Variants in SLC25A48 observed in about 807,000 individuals in gnomAD.
SLC25A48 encodes solute carrier family 25 member 48, also known as CTC-321K16.1.
Under a neutral mutation model 32.2 loss-of-function variants are expected in SLC25A48, and 29 were observed. The observed-to-expected ratio is 0.90, with a 90% CI of 0.67 to 1.23. The LOEUF is 1.23. Among genes scored for constraint, SLC25A48 ranks in the 50% most tolerant of loss-of-function variants. The pLI is 0.00. For synonymous variants in SLC25A48, 164 were observed against 172.3 expected (o/e 0.95, Z 0.38); for missense variants, 399 against 422.7 (o/e 0.94, Z 0.49).
chr5:135,784,962 A>G (rs1756798597), intron 3 of SLC25A48, among the ~76,000 whole-genome samples: 1 of 61,694 alleles, frequency 1.6e-5, no homozygotes. Context: ...GGGAAAGAGG[A>G]TATTACTCCA....
intron 3 of SLC25A48, among the ~76,000 whole-genome samples, chr5:135,757,655 T>G (rs1452965428): frequency 6.7e-6 from 1 of 149,690 alleles, no homozygotes; most frequent in Non-Finnish European, 1.5e-5. Flanking sequence ...ATCTAGATGA[T>G]ATTTATAATG....
chr5:135,627,039 G>A (rs1222521247), intron 1 of SLC25A48, among the ~76,000 whole-genome samples: 1 of 152,104 alleles, frequency 6.6e-6, no homozygotes, highest in African/African-American at 2.4e-5. Context: ...GCCCATCTGT[G>A]AAAAAAGGAG....
chr5:135,581,507 G>A (rs1195539053), intron 1 of SLC25A48, among the ~76,000 whole-genome samples: 1 of 152,184 alleles, frequency 6.6e-6, no homozygotes, highest in African/African-American at 2.4e-5. Flanking sequence ...AGCATGTAAA[G>A]TATTATTTTT....
intron 7 of SLC25A48, 129 bp downstream of exon 7, chr5:135,880,226 C>CCTACCACAGA: frequency 7.5e-7 from 1 of 1,328,746 alleles, no homozygotes; most frequent in Non-Finnish European, 1.0e-6. Context: ...CTGTGGTAGG[C>CCTACCACAGA]TGGGGCTGCC....
chr5:135,607,702 C>A (rs1751970295), intron 1 of SLC25A48, among the ~76,000 whole-genome samples: 1 of 152,226 alleles, frequency 6.6e-6, no homozygotes, highest in South Asian at 2.1e-4. Context: ...AGAGAAATTT[C>A]TTTAGCTCAG....
At chr5:135,680,561 A>G (rs1193423158) in intron 3 of SLC25A48, among the ~76,000 whole-genome samples, 1 of 152,264 alleles carries the variant, frequency 6.6e-6, no homozygotes, top group African/African-American at 2.4e-5. Flanking sequence ...CATGGCTGGG[A>G]AGACCTCACA....
chr5:135,840,791 C>T (rs1446370782), intron 1 of SLC25A48, among the ~76,000 whole-genome samples: 2 of 152,180 alleles, frequency 1.3e-5, no homozygotes. Flanking sequence ...ATAAATATCC[C>T]ACATTTTGTT....
At chr5:135,775,469 A>AC (rs1756530347) in intron 3 of SLC25A48, among the ~76,000 whole-genome samples, 1 of 151,384 alleles carries the variant, frequency 6.6e-6, no homozygotes, top group African/African-American at 2.4e-5. Flanking sequence ...GAGGATGTAC[A>AC]CCCCCCTGTG....
intron 7 of SLC25A48, among the ~76,000 whole-genome samples, chr5:135,882,048 A>G (rs1461004485): frequency 1.3e-5 from 2 of 152,226 alleles, no homozygotes; most frequent in African/African-American, 4.8e-5. Flanking sequence ...TAGCTACCCA[A>G]TCACGATTGT....
At chr5:135,709,547 C>T (rs541886625) in intron 3 of SLC25A48, among the ~76,000 whole-genome samples, 2 of 152,216 alleles carry the variant, frequency 1.3e-5, no homozygotes, top group Admixed American at 1.3e-4. Flanking sequence ...TTTTAGTAAG[C>T]TAACTCTGGT....
intron 3 of SLC25A48, among the ~76,000 whole-genome samples, chr5:135,779,279 T>C (rs1478996827): frequency 6.6e-6 from 1 of 151,860 alleles, no homozygotes; most frequent in Non-Finnish European, 1.5e-5. Context: ...TTACTCCCAA[T>C]GTTGCAGAGG....
At chr5:135,634,028 G>C (rs1454736160) in intron 2 of SLC25A48, among the ~76,000 whole-genome samples, 1 of 152,190 alleles carries the variant, frequency 6.6e-6, no homozygotes, top group Non-Finnish European at 1.5e-5. Flanking sequence ...ATTGGGCAAG[G>C]CCGAGTGCAT....
intron 3 of SLC25A48, among the ~76,000 whole-genome samples, chr5:135,642,261 C>T (rs1752857514): frequency 6.6e-6 from 1 of 152,198 alleles, no homozygotes; most frequent in Non-Finnish European, 1.5e-5. Flanking sequence ...GTGCTGATTA[C>T]TAGGGCCAGA....
At chr5:135,816,094 G>T (rs948705323) in intron 4 of SLC25A48, among the ~76,000 whole-genome samples, 1 of 152,158 alleles carries the variant, frequency 6.6e-6, no homozygotes, top group African/African-American at 2.4e-5. Flanking sequence ...GAGAGAGCGT[G>T]CAGGGAAAGC....
intron 3 of SLC25A48, among the ~76,000 whole-genome samples, chr5:135,701,044 C>T (rs1208158478): frequency 6.6e-6 from 1 of 152,218 alleles, no homozygotes; most frequent in Non-Finnish European, 1.5e-5. Context: ...CTCCACTGCA[C>T]AGAGTGACCT....
chr5:135,859,327 A>G (rs1372004627), intron 4 of SLC25A48, among the ~76,000 whole-genome samples: 1 of 152,188 alleles, frequency 6.6e-6, no homozygotes, highest in Non-Finnish European at 1.5e-5. Flanking sequence ...ACTCTCATTT[A>G]TAAAACCATC....
intron 3 of SLC25A48, among the ~76,000 whole-genome samples, chr5:135,718,950 G>C (rs1162959279): frequency 6.6e-6 from 1 of 152,010 alleles, no homozygotes; most frequent in Non-Finnish European, 1.5e-5. Flanking sequence ...ATGTGTGATA[G>C]AACTATTGAA....
At chr5:135,667,276 C>T (rs1326526210) in intron 3 of SLC25A48, among the ~76,000 whole-genome samples, 1 of 152,202 alleles carries the variant, frequency 6.6e-6, no homozygotes, top group Non-Finnish European at 1.5e-5. Flanking sequence ...TGGTTCAGAG[C>T]TCTAAAATGG....
At chr5:135,834,260 G>C (rs1299729332), upstream of SLC25A48, among the ~76,000 whole-genome samples, 2 of 152,232 alleles carry the variant, frequency 1.3e-5, no homozygotes, top group Admixed American at 1.3e-4. Context: ...CTAGAGAGCT[G>C]TAGCTGAAAG....
Sources: gnomAD v4.1 joint callset for allele counts (sites outside exome capture counted in the v4.1 genomes callset) on GRCh38, gnomAD v4.1.1 for gene constraint, MANE v1.5 for transcripts, NCBI Gene and HGNC (gene_info 2026-07-23, HGNC 2026-07-21) for gene names.